FLT1: variants seen among roughly 807,000 people sequenced by gnomAD.
FLT1 encodes the protein fms related receptor tyrosine kinase 1.
A neutral mutation model predicts 156.3 loss-of-function variants in FLT1; 49 were observed. The ratio of observed to expected loss-of-function variants is 0.31; its 90% CI spans 0.25 to 0.40. The LOEUF (loss-of-function observed/expected upper bound fraction) is 0.40. FLT1 is among the 10% of genes least tolerant of loss of function. The probability of loss-of-function intolerance (pLI) is 1.00; values close to 1 mark genes in which losing one functional copy is unlikely to be tolerated. For missense variants in FLT1, 1,322 were observed against 1,637.2 expected (o/e 0.81, Z 3.32); for synonymous variants, 594 against 583.8 (o/e 1.02, Z -0.25).
At chr13:28,429,939 G>A (rs1421622766) in intron 8 of FLT1, 111 bp downstream of exon 8, 2 of 820,010 alleles carry the variant, frequency 2.4e-6, no homozygotes, top group Non-Finnish European at 4.4e-6. Flanking sequence ...CTCTGGGGCT[G>A]TCTGAGGAAC....
intron 3 of FLT1, among the ~76,000 whole-genome samples, chr13:28,441,935 G>C (rs1427747513): frequency 6.6e-6 from 1 of 152,056 alleles, no homozygotes; most frequent in African/African-American, 2.4e-5. Context: ...AAATGATAAA[G>C]CTCCATCCAT....
intron 14 of FLT1, among the ~76,000 whole-genome samples, chr13:28,378,317 G>A (rs1873933588): frequency 6.6e-6 from 1 of 152,190 alleles, no homozygotes; most frequent in African/African-American, 2.4e-5. Context: ...AAAGTGCTGG[G>A]ATTACAGGCA....
At position 28,310,659 on chromosome 13, in the gene FLT1, C is replaced by A. The variant is rs1252579445; in HGVS notation, c.3635+931G>T. Among the ~76,000 whole-genome samples the A allele has an allele frequency of 3.3e-5, 5 of 152,274 alleles. No individual in the cohort carries two copies. In the East Asian group the frequency reaches 9.7e-4, roughly 29 times the overall value. On this transcript the variant is annotated intron_variant, in intron 27 of 29. Coordinates refer to ENST00000282397, the MANE Select transcript of FLT1 (RefSeq NM_002019.4). ...AGTACATATTTGTTCCCTTGCCTTG[C>A]CCCTTCTCCAATTCCCTCTGCAGTA...
chr13:28,300,521 C>CCACACACCCACACACACA lies in FLT1; in HGVS notation c.*2645_*2646insTGTGTGTGTGGGTGTGTG, dbSNP rs58634271. 91 of 225,626 alleles carry CCACACACCCACACACACA rather than the reference C, an allele frequency of 4.0e-4. No homozygotes were observed. Among genetic ancestry groups the CCACACACCCACACACACA allele is most frequent in the South Asian group, 1.7e-3 (9 of 5,292 alleles). The allele number at this position is 225,626 out of a possible 1,614,324, so 14.0% of individuals were successfully genotyped here. On this transcript the variant is annotated 3_prime_UTR_variant, in exon 30 of 30. Transcript: ENST00000282397. ...AGTTATGCACAAAACACACATACAC[C>CCACACACCCACACACACA]CACACACACACACACACACACACAC...
chr13:28,331,233 A>G (rs1871918909), intron 18 of FLT1, among the ~76,000 whole-genome samples: 2 of 152,220 alleles, frequency 1.3e-5, no homozygotes, highest in Admixed American at 6.5e-5. Flanking sequence ...AGCACAAATC[A>G]TTTTTAATAA....
intron 15 of FLT1, among the ~76,000 whole-genome samples, chr13:28,349,019 G>T (rs566374504): frequency 2.0e-5 from 3 of 152,286 alleles, no homozygotes; most frequent in Admixed American, 6.5e-5. Flanking sequence ...CTAGGTGCTG[G>T]TATACAGTTA....
intron 1 of FLT1, among the ~76,000 whole-genome samples, chr13:28,471,333 C>A (rs1050337761): frequency 1.3e-5 from 2 of 151,938 alleles, no homozygotes; most frequent in African/African-American, 4.8e-5. Context: ...TTGGAGGTGT[C>A]AAGATTATAG....
rs772483022 is a variant in FLT1 at position 28,396,794 on chromosome 13, T to C, written c.1660+166A>G. On this transcript the variant is annotated intron_variant, in intron 12 of 29. Coordinates refer to ENST00000282397, the MANE Select transcript of FLT1 (RefSeq NM_002019.4). ...GGAAATAACTCCTTACGAGATCCGATGAGGTAGAATTCTATTCCTGAGAGC... is the reference window on the plus strand; with the variant it reads ...GGAAATAACTCCTTACGAGATCCGACGAGGTAGAATTCTATTCCTGAGAGC... The C allele has an allele frequency of 4.1e-5, 29 of 700,540 alleles. 1 individual carries two copies. Among genetic ancestry groups the C allele is most frequent in the South Asian group, 4.0e-4 (27 of 66,672 alleles). 43.4% of individuals were successfully genotyped at this position (700,540 alleles called of 1,614,324 possible). A position where few individuals can be genotyped will look rare whatever the true frequency, so the allele number is the denominator to read the frequency against.
intron 24 of FLT1, among the ~76,000 whole-genome samples, chr13:28,319,221 G>C (rs1871337355): frequency 6.6e-6 from 1 of 152,158 alleles, no homozygotes; most frequent in Middle Eastern, 3.2e-3. Flanking sequence ...CCTTGTTCAT[G>C]ATCATATAAA....
chr13:28,432,952 C>G (rs1362181660), intron 6 of FLT1, among the ~76,000 whole-genome samples: 1 of 152,220 alleles, frequency 6.6e-6, no homozygotes, highest in African/African-American at 2.4e-5. Flanking sequence ...CCCTACAGGG[C>G]ACTCGTTACA....
chr13:28,424,014 G>A lies in FLT1; in HGVS notation c.1436+3145C>T, dbSNP rs150027005. On this transcript the variant is annotated intron_variant, in intron 10 of 29. Coordinates refer to ENST00000282397, the MANE Select transcript of FLT1 (RefSeq NM_002019.4). ...TGCCCAGGCTGGAGTGCAGTGGTGC[G>A]ATCTCAGCTCATTGCAACCTCCACC... Among the ~76,000 whole-genome samples the A allele has an allele frequency of 3.1e-3, 473 of 151,622 alleles. 3 individuals are homozygous for A. Among genetic ancestry groups the A allele is most frequent in the African/African-American group, 0.011 (454 of 41,304 alleles).
chr13:28,358,535 C>T (rs977624092), intron 14 of FLT1, among the ~76,000 whole-genome samples: 2 of 152,036 alleles, frequency 1.3e-5, no homozygotes, highest in African/African-American at 4.8e-5. Context: ...ATTTTCAGAC[C>T]CCTGAAAGGC....
At position 28,412,344 on chromosome 13, in the gene FLT1, TTC is replaced by T. The variant is rs1228073178; in HGVS notation, c.1437-6452_1437-6451del. 3.0e-3 allele frequency among the ~76,000 whole-genome samples: 219 copies of T among 73,534 alleles called. 8 individuals carry two copies. Among genetic ancestry groups the T allele is most frequent in the African/African-American group, 4.6e-3 (109 of 23,680 alleles). The allele number at this position is 73,534 out of a possible 152,430, so 48.2% of individuals were successfully genotyped here. Reference sequence around the variant, plus strand: ...TTCTTTCTTTCTTTTCTTTCTTTCTTTCTTTCTCTTTCTTTCTTTCTTTCTTT... The same window carrying T: ...TTCTTTCTTTCTTTTCTTTCTTTCTTTTTCTCTTTCTTTCTTTCTTTCTTT... On this transcript the variant is annotated intron_variant, in intron 10 of 29. Coordinates refer to ENST00000282397, the MANE Select transcript of FLT1 (RefSeq NM_002019.4).
chr13:28,386,457 C>T (rs1161992439), intron 13 of FLT1: 1 of 1,044,170 alleles, frequency 9.6e-7, no homozygotes, highest in African/African-American at 1.7e-5. Flanking sequence ...AAAATGAAAT[C>T]TGAAGGCAAA....
At chr13:28,390,223 A>G in intron 12 of FLT1, 119 bp from the exon 13 acceptor site, 1 of 1,376,224 alleles carries the variant, frequency 7.3e-7, no homozygotes, top group Non-Finnish European at 9.9e-7. Context: ...ATTAAAAAGG[A>G]TGAGTATTTG....
chr13:28,469,390 G>T (rs1446100025), intron 1 of FLT1, among the ~76,000 whole-genome samples: 1 of 152,302 alleles, frequency 6.6e-6, no homozygotes, highest in East Asian at 1.9e-4. Flanking sequence ...TCTTGGATTT[G>T]ACTATCTCAA....
intron 17 of FLT1, among the ~76,000 whole-genome samples, chr13:28,335,732 T>C (rs1872093968): frequency 6.6e-6 from 1 of 152,188 alleles, no homozygotes; most frequent in African/African-American, 2.4e-5. Flanking sequence ...CATGCTCCCG[T>C]AGTGATTACT....
chr13:28,423,957 C>G (rs184382895), intron 10 of FLT1, among the ~76,000 whole-genome samples: 1 of 151,988 alleles, frequency 6.6e-6, no homozygotes, highest in Admixed American at 6.6e-5. Context: ...CTTTCTTTTT[C>G]TTTTTTTTCT....
At chr13:28,319,854 G>C (rs1477669525) in intron 23 of FLT1, among the ~76,000 whole-genome samples, 1 of 152,162 alleles carries the variant, frequency 6.6e-6, no homozygotes, top group Non-Finnish European at 1.5e-5. Context: ...CACACTCAGG[G>C]CTTGGAAAAG....
Sources: allele counts gnomAD v4.1 joint callset (sites outside exome capture counted in the v4.1 genomes callset), GRCh38; gene constraint gnomAD v4.1.1; transcripts MANE v1.5; gene names NCBI Gene and HGNC (gene_info 2026-07-23, HGNC 2026-07-21).